The following CIZ1 variants were observed in gnomAD, a reference collection of about 807,000 sequenced individuals.
The protein encoded by CIZ1 is CDKN1A interacting zinc finger protein 1, also known as cip1-interacting zinc finger protein.
Under a neutral mutation model 118.6 loss-of-function variants are expected in CIZ1, and 58 were observed. The ratio of observed to expected loss-of-function variants is 0.49; its 90% confidence interval spans 0.40 to 0.61. The LOEUF (loss-of-function observed/expected upper bound fraction) is 0.61. Among genes scored for constraint, CIZ1 ranks in the 20% least tolerant of loss-of-function variants. The pLI is 0.00. For missense variants in CIZ1, 921 were observed against 1,115.9 expected (o/e 0.83, Z 2.49); for synonymous variants, 448 against 443.4 (o/e 1.01, Z -0.13).
At chr9:128,168,528 GAAAAA>G (rs530396817) in intron 14 of CIZ1, among the ~76,000 whole-genome samples, 1 of 119,324 alleles carries the variant, frequency 8.4e-6, no homozygotes, top group Non-Finnish European at 1.8e-5. Flanking sequence ...AAAAAAAAAA[GAAAAA>G]AAAAAAAAAA....
chr9:128,184,007 A>T (rs938751982), intron 5 of CIZ1, among the ~76,000 whole-genome samples: 1 of 152,186 alleles, frequency 6.6e-6, no homozygotes, highest in African/African-American at 2.4e-5. Context: ...ACCTCAAATG[A>T]TCTGCCCTCC....
chr9:128,182,277 C>T (rs1327679634), intron 5 of CIZ1, among the ~76,000 whole-genome samples: 2 of 152,158 alleles, frequency 1.3e-5, no homozygotes, highest in African/African-American at 4.8e-5. Context: ...TTATCTCTGT[C>T]TTGTGTCTTT....
At chr9:128,186,747 G>A (rs549067534) in intron 4 of CIZ1, among the ~76,000 whole-genome samples, 26 of 151,854 alleles carry the variant, frequency 1.7e-4, no homozygotes, top group South Asian at 6.2e-4. Flanking sequence ...TCCCTGTGCC[G>A]TCCTTCAGAC....
chr9:128,167,896 C>G (rs146203037), intron 14 of CIZ1, among the ~76,000 whole-genome samples: 4 of 152,204 alleles, frequency 2.6e-5, no homozygotes, highest in Non-Finnish European at 5.9e-5. Flanking sequence ...AGTCCAAGTT[C>G]AGGTTGTTAC....
chr9:128,172,029 C>T (rs1038220345), intron 11 of CIZ1, among the ~76,000 whole-genome samples: 2 of 151,662 alleles, frequency 1.3e-5, no homozygotes, highest in Non-Finnish European at 2.9e-5. Flanking sequence ...CGCTGGTTCA[C>T]GCCTGTAATC....
At chr9:128,178,641 G>T in intron 8 of CIZ1, 68 bp downstream of exon 8, 1 of 1,581,662 alleles carries the variant, frequency 6.3e-7, no homozygotes, top group East Asian at 2.2e-5. Flanking sequence ...ACCCAGTCAG[G>T]GGAGGAATGA....
chr9:128,171,099 G>A (rs945892382), intron 11 of CIZ1, among the ~76,000 whole-genome samples: 8 of 151,928 alleles, frequency 5.3e-5, no homozygotes, highest in African/African-American at 1.7e-4. Context: ...ACTCCAGCTG[G>A]GGCAACACAA....
rs771905736 is a variant in CIZ1 at position 128,190,717 on chromosome 9, T to C, written c.141A>G (p.Pro47=). 1 of 1,551,296 alleles carries C rather than the reference T, an allele frequency of 6.4e-7. No individual in the cohort carries two copies. The highest frequency in any genetic ancestry group is 8.7e-7 in the Non-Finnish European group (1 of 1,148,970). Reference sequence around the variant, plus strand: ...TGACAGCCATGGGCAACGGGGCCTGTGGTGGGGACTGCTGGAGCAGCTGCT... The same window carrying C: ...TGACAGCCATGGGCAACGGGGCCTGCGGTGGGGACTGCTGGAGCAGCTGCT... ...QLQQLLQQSP[P]QAPLPMAVSR... Residue 47 remains proline, a synonymous_variant, in exon 2 of 17, where the codon CCA becomes CCG. Transcript: ENST00000372938.
upstream of CIZ1, among the ~76,000 whole-genome samples, chr9:128,192,415 G>A (rs1833232853): frequency 6.6e-6 from 1 of 151,100 alleles, no homozygotes; most frequent in South Asian, 2.1e-4. Context: ...GGAAAACAGA[G>A]CCCTGCTCCC....
chr9:128,166,066 G>T lies in CIZ1; in HGVS notation c.*131C>A. 1.5e-6 allele frequency: 1 copy of T among 680,176 alleles called. No individual in the cohort carries two copies. The highest frequency in any genetic ancestry group is 2.3e-6 in the Non-Finnish European group (1 of 440,908). The allele number at this position is 680,176 out of a possible 1,614,324, so 42.1% of individuals were successfully genotyped here. A position where few individuals can be genotyped will look rare whatever the true frequency, so the allele number is the denominator to read the frequency against. Reference sequence around the variant, plus strand: ...CCAGACAGAAGTACTGGTGGGAACTGCACAGCCAAACTACCTTGTTTTATT... The same window carrying T: ...CCAGACAGAAGTACTGGTGGGAACTTCACAGCCAAACTACCTTGTTTTATT... On this transcript the variant is annotated 3_prime_UTR_variant, in exon 17 of 17. Coordinates refer to ENST00000372938, the MANE Select transcript of CIZ1 (RefSeq NM_001131016.2). This position sits in a 1 kb window ranked among gnomAD's most constrained non-coding sequence, Gnocchi z 4.4.
At chr9:128,169,553 C>CA (rs771862338) in intron 12 of CIZ1, 34 bp from the exon 13 acceptor site, 2 of 1,609,720 alleles carry the variant, frequency 1.2e-6, no homozygotes, top group Admixed American at 3.4e-5. Context: ...GCAGTGTCCC[C>CA]AGCTGCAAGC....
rs1223731553 is a variant in CIZ1, at chr9:128,203,262, G to GC, written c.-6+923dup. ...AGGTGAAAACTACGACACCCATGAT[G>GC]CCCCGGACGGCGCCTGCGCACGGCG... On this transcript the variant is annotated intron_variant, in intron 1 of 17. Transcript: ENST00000372948. This position sits in a 1 kb window ranked among gnomAD's most constrained non-coding sequence, Gnocchi z 5.3. The GC allele has an allele frequency of 9.0e-6, 2 of 221,926 alleles. No individual in the cohort carries two copies. Among genetic ancestry groups the GC allele is most frequent in the Non-Finnish European group, 1.7e-5 (2 of 119,496 alleles). The allele number at this position is 221,926 out of a possible 1,614,324, so 13.7% of individuals were successfully genotyped here.
At position 128,187,908 on chromosome 9, in the gene CIZ1, C is replaced by T. The variant is rs759164728; in HGVS notation, c.313G>A (p.Ala105Thr). 4.0e-6 allele frequency: 3 copies of T among 757,112 alleles called. No individual in the cohort carries two copies. The highest frequency in any genetic ancestry group is 1.7e-5 in the African/African-American group (1 of 58,512). 46.9% of individuals were successfully genotyped at this position (757,112 alleles called of 1,614,324 possible). Residue 105 changes from alanine (A) to threonine (T), a missense_variant, in exon 4 of 17, where the codon GCC becomes ACC. Coordinates refer to ENST00000372938, the MANE Select transcript of CIZ1 (RefSeq NM_001131016.2). ...QGLDQFAMPP[A>T]TYDTAGLTMP... is the part of the protein sequence containing the mutation. ...GTGAGACCGGCAGTGTCATACGTGG[C>T]TGGTGGCATTGCAAACTGGTCCAGT...
At chr9:128,173,206 G>C (rs956260714) in intron 11 of CIZ1, among the ~76,000 whole-genome samples, 3 of 145,828 alleles carry the variant, frequency 2.1e-5, no homozygotes, top group African/African-American at 7.7e-5. Context: ...GTGCAGTGGC[G>C]CGATCTTGGC....
At chr9:128,170,441 G>A (rs1829991183) in intron 11 of CIZ1, among the ~76,000 whole-genome samples, 1 of 152,204 alleles carries the variant, frequency 6.6e-6, no homozygotes, top group African/African-American at 2.4e-5. Flanking sequence ...ATATTGGTAA[G>A]AATTCAGCTT....
intron 14 of CIZ1, 153 bp from the exon 15 acceptor site, chr9:128,167,317 A>G (rs567311317): frequency 8.7e-5 from 53 of 607,586 alleles, no homozygotes; most frequent in African/African-American, 7.8e-4. Flanking sequence ...GCCTTTGCAC[A>G]TGGTGATCCT....
At position 128,179,241 on chromosome 9, in the gene CIZ1, C is replaced by T; in HGVS notation, c.966G>A (p.Val322=). Residue 322 remains valine (V), a synonymous_variant, in exon 8 of 17, where the codon GTG becomes GTA. Coordinates refer to ENST00000372938, the MANE Select transcript of CIZ1 (RefSeq NM_001131016.2). The stretch of plus-strand genomic sequence containing the variant: ...GTATCCGCGGCTGAGTCTGTGACTG[C>T]ACCTGGGCCTGGACCTGCAGGACCC... ...QPRVLQVQAQ[V]QSQTQPRIPS... 6.2e-7 allele frequency: 1 copy of T among 1,614,130 alleles called. No homozygotes were observed. The highest frequency in any genetic ancestry group is 8.5e-7 in the Non-Finnish European group (1 of 1,180,012).
rs1833659684 is a variant in CIZ1 at position 128,203,801 on chromosome 9, C to A, written c.-6+385G>T. 6.7e-6 allele frequency among the ~76,000 whole-genome samples: 1 copy of A among 149,478 alleles called. No individual in the cohort carries two copies. Among genetic ancestry groups the A allele is most frequent in the South Asian group, 2.1e-4 (1 of 4,682 alleles). ...GAGGCCCTCCCCCCACCACGAGAGC[C>A]CCTCGGGGCAGCAGCGCCCCCCGCT... On this transcript the variant is annotated intron_variant, in intron 1 of 17. Coordinates refer to the CIZ1 transcript ENST00000372948. The surrounding 1 kb of genome is among the most constrained non-coding windows in gnomAD (Gnocchi z 5.3).
chr9:128,166,695 G>T lies in CIZ1; in HGVS notation c.2487+64C>A, dbSNP rs751589744. 8.7e-6 allele frequency: 14 copies of T among 1,607,868 alleles called. No homozygotes were observed. Among genetic ancestry groups the T allele is most frequent in the Non-Finnish European group, 1.2e-5 (14 of 1,175,404 alleles). On this transcript the variant is annotated intron_variant, in intron 16 of 16. Transcript: ENST00000372938. The surrounding 1 kb of genome is among the most constrained non-coding windows in gnomAD (Gnocchi z 4.4). ...AAGAGGGAGTGGCCACTAGCCACCCGAATCAGCTTGGATTAAGACTAAGTC... is the reference window on the plus strand; with the variant it reads ...AAGAGGGAGTGGCCACTAGCCACCCTAATCAGCTTGGATTAAGACTAAGTC...
Sources: gnomAD v4.1 joint callset for allele counts (sites outside exome capture counted in the v4.1 genomes callset) on GRCh38, gnomAD v4.1.1 for gene constraint, Gnocchi (gnomAD v3.1) non-coding constraint, MANE v1.5 for transcripts, NCBI Gene and HGNC (gene_info 2026-07-23, HGNC 2026-07-21) for gene names.